The following LRP8 variants were observed in gnomAD, a reference collection of about 807,000 sequenced individuals.
LRP8 encodes low-density lipoprotein receptor-related protein 8.
In LRP8, 46 loss-of-function variants were observed where a neutral mutation model predicts 111.6. That is an observed-to-expected ratio of 0.41 (90% CI 0.33 to 0.53). The LOEUF is 0.53. Ranked by LOEUF, LRP8 falls within the 20% of genes least tolerant of loss-of-function variation. The pLI is 0.20. For missense variants in LRP8, 959 were observed against 1,297.4 expected, an observed-to-expected ratio of 0.74 and a Z score of 4.01; for synonymous variants, 464 against 511.2, an observed-to-expected ratio of 0.91 and a Z score of 1.24.
chr1:53,326,726 G>A, intron 2 of LRP8, 147 bp downstream of exon 2: 1 of 1,335,508 alleles, frequency 7.5e-7, no homozygotes, highest in East Asian at 2.7e-5. Context: ...GGGAGGCGGT[G>A]CCCAGGCGGT....
At chr1:53,297,181 C>A (rs1029331212) in intron 2 of LRP8, among the ~76,000 whole-genome samples, 1 of 152,200 alleles carries the variant, frequency 6.6e-6, no homozygotes, top group Non-Finnish European at 1.5e-5. Context: ...GCTTCTGACA[C>A]TCTAGGGACC....
At chr1:53,299,590 C>T (rs1427921631) in intron 2 of LRP8, among the ~76,000 whole-genome samples, 1 of 152,226 alleles carries the variant, frequency 6.6e-6, no homozygotes, top group Non-Finnish European at 1.5e-5. Flanking sequence ...CCCAGCCTCA[C>T]ATTGGTCATC....
chr1:53,268,764 A>G (rs1646666928), intron 8 of LRP8, among the ~76,000 whole-genome samples: 1 of 152,112 alleles, frequency 6.6e-6, no homozygotes, highest in Admixed American at 6.6e-5. Context: ...TTATTTTTTC[A>G]GTTGCTGTAA....
chr1:53,282,982 T>A (rs560974472), intron 3 of LRP8, among the ~76,000 whole-genome samples: 2 of 152,280 alleles, frequency 1.3e-5, no homozygotes, highest in African/African-American at 4.8e-5. Flanking sequence ...TTTGAACACC[T>A]AAGTTGTGTC....
chr1:53,279,400 G>T lies in LRP8; in HGVS notation c.496+1187C>A, dbSNP rs1205515291. Among the ~76,000 whole-genome samples the T allele has an allele frequency of 6.6e-6, 1 of 152,106 alleles. No individual in the cohort carries two copies. The highest frequency in any genetic ancestry group is 1.5e-5 in the Non-Finnish European group (1 of 68,014). On this transcript the variant is annotated intron_variant, in intron 4 of 18. Coordinates refer to ENST00000306052, the MANE Select transcript of LRP8 (RefSeq NM_004631.5). This position sits in a 1 kb window ranked among gnomAD's most constrained non-coding sequence, Gnocchi z 4.4. ...TTGCAGTAGCGGCCTTCATATTGGAGGAATCATCTGATTATGGGGCTTGGT... is the reference window on the plus strand; with the variant it reads ...TTGCAGTAGCGGCCTTCATATTGGATGAATCATCTGATTATGGGGCTTGGT...
intron 3 of LRP8, among the ~76,000 whole-genome samples, chr1:53,287,602 CAGAG>C (rs1647767302): frequency 6.6e-6 from 1 of 152,332 alleles, no homozygotes; most frequent in South Asian, 2.1e-4. Context: ...TATGAAACCT[CAGAG>C]AGCTCGAAGA....
chr1:53,299,060 C>T (rs944747479), intron 2 of LRP8, among the ~76,000 whole-genome samples: 9 of 152,188 alleles, frequency 5.9e-5, no homozygotes, highest in South Asian at 2.1e-4. Flanking sequence ...AGGCCAGGCC[C>T]GAGGGATTCA....
chr1:53,316,765 G>C (rs917175995), intron 2 of LRP8, among the ~76,000 whole-genome samples: 2 of 152,258 alleles, frequency 1.3e-5, no homozygotes, highest in African/African-American at 4.8e-5. Flanking sequence ...GGCAAGGTGG[G>C]AGCAGAGGAG....
intron 2 of LRP8, 155 bp from the exon 3 acceptor site, chr1:53,289,844 C>A (rs1373763985): frequency 1.2e-5 from 11 of 909,688 alleles, no homozygotes; most frequent in African/African-American, 1.7e-5. Context: ...CCTTAGGCAT[C>A]TGAACACTGC....
At position 53,246,771 on chromosome 1, in the gene LRP8, G is replaced by C. The variant is rs1645739255; in HGVS notation, c.*247C>G. 1.4e-5 allele frequency: 7 copies of C among 484,776 alleles called. No individual in the cohort carries two copies. The highest frequency in any genetic ancestry group is 3.9e-5 in the East Asian group (1 of 25,664). 30.0% of individuals were successfully genotyped at this position (484,776 alleles called of 1,614,324 possible). On this transcript the variant is annotated 3_prime_UTR_variant, in exon 19 of 19. Transcript: ENST00000306052. ...GTAGCCATTCCACGAATTCCTCATG[G>C]GTAGTGCAACCAGTTAAAAAGTGTA...
Position 53,275,759 on chromosome 1 carries a change from A to G in LRP8, c.884-6T>C. ...CCCACGGCAGGTGCCCAGTGCTGCC[A>G]GGAGAGGGCAAGGGGAGAGGATCAG... On this transcript the variant is annotated splice_polypyrimidine_tract_variant and splice_region_variant and intron_variant, in intron 5 of 18. Transcript: ENST00000306052. This position sits in a 1 kb window ranked among gnomAD's most constrained non-coding sequence, Gnocchi z 4.4. 1 of 1,613,818 alleles carries G rather than the reference A, an allele frequency of 6.2e-7. No individual in the cohort carries two copies.
intron 9 of LRP8, 48 bp from the exon 10 acceptor site, chr1:53,264,444 G>A (rs1257111744): frequency 6.8e-7 from 1 of 1,480,114 alleles, no homozygotes. Context: ...CCACCCATGG[G>A]CCCATCTGGA....
chr1:53,290,446 A>C (rs938868304), intron 2 of LRP8, among the ~76,000 whole-genome samples: 1 of 152,216 alleles, frequency 6.6e-6, no homozygotes, highest in Non-Finnish European at 1.5e-5. Flanking sequence ...AACCTGCAGC[A>C]GACTCAGGCA....
At position 53,246,794 on chromosome 1, in the gene LRP8, GTA is replaced by G; in HGVS notation, c.*222_*223del. The G allele has an allele frequency of 1.9e-6, 1 of 532,236 alleles. No individual in the cohort carries two copies. The highest frequency in any genetic ancestry group is 2.5e-5 in the South Asian group (1 of 39,230). 33.0% of individuals were successfully genotyped at this position (532,236 alleles called of 1,614,324 possible). ...TGGGTAGTGCAACCAGTTAAAAAGT[GTA>G]TAAAACATTATACATAGAAAAACTC... On this transcript the variant is annotated 3_prime_UTR_variant, in exon 19 of 19. Coordinates refer to ENST00000306052, the MANE Select transcript of LRP8 (RefSeq NM_004631.5).
At chr1:53,256,508 C>A (rs899796924) in intron 15 of LRP8, among the ~76,000 whole-genome samples, 1 of 152,236 alleles carries the variant, frequency 6.6e-6, no homozygotes, top group African/African-American at 2.4e-5. Flanking sequence ...AAAAAGCCAG[C>A]TTCTGCTGGC....
In LRP8 at chr1:53,303,090, T is replaced by C. The variant is rs1198622846; in HGVS notation, c.245-13401A>G. On this transcript the variant is annotated intron_variant, in intron 2 of 18. Transcript: ENST00000306052. This position sits in a 1 kb window ranked among gnomAD's most constrained non-coding sequence, Gnocchi z 4.3. The stretch of plus-strand genomic sequence containing the variant: ...GTAATGTTGAAATTCATGGTGAAAT[T>C]GCACATCACCACAAAAGCAGGTAGA... Among the ~76,000 whole-genome samples the C allele has an allele frequency of 6.6e-6, 1 of 152,156 alleles. No homozygotes were observed. Among genetic ancestry groups the C allele is most frequent in the Non-Finnish European group, 1.5e-5 (1 of 68,030 alleles).
chr1:53,250,729 A>G lies in LRP8; in HGVS notation c.2637T>C (p.His879=). 6.2e-7 allele frequency: 1 copy of G among 1,611,456 alleles called. No homozygotes were observed. The highest frequency in any genetic ancestry group is 8.5e-7 in the Non-Finnish European group (1 of 1,177,562). The change falls in exon 17 of 19, where the codon CAT becomes CAC. Residue 879 remains histidine, a synonymous_variant. Transcript: ENST00000306052. The surrounding 1 kb of genome is among the most constrained non-coding windows in gnomAD (Gnocchi z 4.6). ...TTEEEDEDEL[H]IGRTAQIGHV... ...GGCCAATCTGAGCAGTTCTCCCTAT[A>G]TGGAGCTCATCTTCGTCTTCTTCTT... is the stretch of plus-strand genomic sequence containing the variant.
chr1:53,275,715 C>T lies in LRP8; in HGVS notation c.922G>A (p.Asp308Asn). ...TCRGDEFQCG[D>N]GTCVLAIKHC... Reference sequence around the variant, plus strand: ...TTGATTGCAAGGACACATGTCCCATCCCCACACTGGAACTCGTCCCCACGG... The same window carrying T: ...TTGATTGCAAGGACACATGTCCCATTCCCACACTGGAACTCGTCCCCACGG... The change falls in exon 6 of 19, where the codon GAT (aspartate) becomes AAT (asparagine). Residue 308 changes from aspartate (D) to asparagine (N), a missense_variant. By Grantham distance (23) the Asp-to-Asn change is conservative. Coordinates refer to ENST00000306052, the MANE Select transcript of LRP8 (RefSeq NM_004631.5). The surrounding 1 kb of genome is among the most constrained non-coding windows in gnomAD (Gnocchi z 4.4). The T allele has an allele frequency of 1.2e-6, 2 of 1,614,100 alleles. No homozygotes were observed. The highest frequency in any genetic ancestry group is 2.2e-5 in the East Asian group (1 of 44,882).
chr1:53,285,288 C>T (rs1213851046), intron 3 of LRP8, among the ~76,000 whole-genome samples: 3 of 152,002 alleles, frequency 2.0e-5, no homozygotes, highest in Non-Finnish European at 2.9e-5. Context: ...CTCCCTGGCA[C>T]CACTGGCCCA....
Sources: allele counts gnomAD v4.1 joint callset (sites outside exome capture counted in the v4.1 genomes callset), GRCh38; gene constraint gnomAD v4.1.1; non-coding constraint Gnocchi (gnomAD v3.1); transcripts MANE v1.5; gene names NCBI Gene and HGNC (gene_info 2026-07-23, HGNC 2026-07-21).